The following FHL2 variants were observed in gnomAD, a reference collection of about 807,000 sequenced individuals.
FHL2 encodes the protein four and a half LIM domains protein 2.
A neutral mutation model predicts 32.7 loss-of-function variants in FHL2; 20 were observed. The ratio of observed to expected loss-of-function variants is 0.61; its 90% CI spans 0.43 to 0.89. The LOEUF (loss-of-function observed/expected upper bound fraction) is 0.89. Among genes scored for constraint, FHL2 ranks in the 40% least tolerant of loss-of-function variants. FHL2 has a pLI of 0.00. For synonymous variants in FHL2, 123 were observed against 128.1 expected, an observed-to-expected ratio of 0.96 and a Z score of 0.27; for missense variants, 311 against 358.6, an observed-to-expected ratio of 0.87 and a Z score of 1.07.
chr2:105,386,756 C>CTTTTTTTTT (rs11380471), intron 2 of FHL2, among the ~76,000 whole-genome samples: 5 of 48,924 alleles, frequency 1.0e-4, no homozygotes, highest in Admixed American at 2.7e-4. Context: ...ATGCATTCCA[C>CTTTTTTTTT]TTTTTTTTTT....
chr2:105,361,380 C>CA lies in FHL2; in HGVS notation c.742dup (p.Cys248LeufsTer3). On this transcript the variant is annotated frameshift_variant, in exon 7 of 7. Transcript: ENST00000530340. LOFTEE classifies it high-confidence loss of function. ...GAGGGAGCACTTCTTACAGTTAAAGCAGTCGTTATGCCACTGCCGTTCCTC... is the reference window on the plus strand; with the variant it reads ...GAGGGAGCACTTCTTACAGTTAAAGCAAGTCGTTATGCCACTGCCGTTCCTC... The CA allele has an allele frequency of 6.2e-7, 1 of 1,614,174 alleles. No individual in the cohort carries two copies. Among genetic ancestry groups the CA allele is most frequent in the Non-Finnish European group, 8.5e-7 (1 of 1,179,980 alleles).
chr2:105,432,970 C>T (rs568317220), intron 1 of FHL2, among the ~76,000 whole-genome samples: 1 of 152,114 alleles, frequency 6.6e-6, no homozygotes, highest in Non-Finnish European at 1.5e-5. Flanking sequence ...TTTCAACACT[C>T]CTAGAACTCA....
At chr2:105,420,404 A>G (rs1318114390) in intron 1 of FHL2, among the ~76,000 whole-genome samples, 1 of 152,184 alleles carries the variant, frequency 6.6e-6, no homozygotes, top group Non-Finnish European at 1.5e-5. Context: ...GGATACCCTA[A>G]TGACCTCCTC....
At chr2:105,393,163 T>C (rs1026835990) in intron 2 of FHL2, among the ~76,000 whole-genome samples, 5 of 152,086 alleles carry the variant, frequency 3.3e-5, no homozygotes, top group African/African-American at 1.2e-4. Context: ...TCCTTTTCAA[T>C]GCACCTTTTA....
At chr2:105,400,735 C>G (rs979516492), upstream of FHL2, among the ~76,000 whole-genome samples, 3 of 103,746 alleles carry the variant, frequency 2.9e-5, no homozygotes, top group Non-Finnish European at 4.0e-5. Context: ...ATCCATTTAG[C>G]TTTGCTTTTT....
chr2:105,398,851 C>A lies in FHL2; in HGVS notation c.-85G>T. 1.4e-6 allele frequency: 2 copies of A among 1,454,198 alleles called. No homozygotes were observed. The highest frequency in any genetic ancestry group is 1.5e-5 in the South Asian group (1 of 65,590). The allele number at this position is 1,454,198 out of a possible 1,614,324, so 90.1% of individuals were successfully genotyped here. A position where few individuals can be genotyped will look rare whatever the true frequency, so the allele number is the denominator to read the frequency against. On this transcript the variant is annotated 5_prime_UTR_variant, in exon 1 of 7. Coordinates refer to ENST00000530340, the MANE Select transcript of FHL2 (RefSeq NM_001318895.3). ...TCTGCTCTCCTCTCACCAGTCTCCC[C>A]AACTCCGGCTCTGCTCCCCTCTCCT...
chr2:105,402,314 T>C (rs549876945), upstream of FHL2, among the ~76,000 whole-genome samples: 23 of 152,054 alleles, frequency 1.5e-4, no homozygotes, highest in African/African-American at 5.5e-4. Context: ...TGGCACTGTC[T>C]TGGCTCACTG....
chr2:105,428,315 G>T (rs1056076446), intron 1 of FHL2, among the ~76,000 whole-genome samples: 4 of 152,270 alleles, frequency 2.6e-5, no homozygotes, highest in Admixed American at 2.6e-4. Context: ...GGGAGCCAGG[G>T]GCTTGCTGAG....
intron 3 of FHL2, chr2:105,376,886 A>G (rs573687048): frequency 1.4e-4 from 21 of 152,366 alleles, no homozygotes; most frequent in African/African-American, 4.1e-4. Flanking sequence ...TCTTGAGGAC[A>G]TGACGTTAAG....
At chr2:105,390,575 G>T (rs991719644) in intron 2 of FHL2, among the ~76,000 whole-genome samples, 1 of 152,068 alleles carries the variant, frequency 6.6e-6, no homozygotes, top group Non-Finnish European at 1.5e-5. Flanking sequence ...CAACCAACAG[G>T]GCAGAGCATA....
At chr2:105,391,794 G>A (rs1010250129) in intron 2 of FHL2, among the ~76,000 whole-genome samples, 3 of 152,212 alleles carry the variant, frequency 2.0e-5, no homozygotes, top group Non-Finnish European at 4.4e-5. Flanking sequence ...TTTACTCTCT[G>A]TGAACTCCAC....
At chr2:105,415,903 C>T (rs17030868) in intron 1 of FHL2, among the ~76,000 whole-genome samples, 5 of 152,106 alleles carry the variant, frequency 3.3e-5, no homozygotes, top group South Asian at 2.1e-4. Flanking sequence ...GCAAAAAATA[C>T]GTCTTTGACT....
At chr2:105,376,625 G>T (rs1326277604) in intron 3 of FHL2, 1 of 152,178 alleles carries the variant, frequency 6.6e-6, no homozygotes, top group Non-Finnish European at 1.5e-5. Flanking sequence ...GATATTAAAA[G>T]TAGAATTACC....
chr2:105,388,054 A>C (rs778469014), intron 2 of FHL2, among the ~76,000 whole-genome samples: 2 of 152,174 alleles, frequency 1.3e-5, no homozygotes, highest in Non-Finnish European at 2.9e-5. Context: ...GGGCTAAATG[A>C]GGGAACACAT....
upstream of FHL2, among the ~76,000 whole-genome samples, chr2:105,400,882 G>C (rs1360915357): frequency 6.6e-6 from 1 of 151,720 alleles, no homozygotes; most frequent in African/African-American, 2.4e-5. Context: ...GACCTAATGG[G>C]TAGCAGAACA....
chr2:105,404,134 A>G (rs890149466), upstream of FHL2, among the ~76,000 whole-genome samples: 1 of 152,180 alleles, frequency 6.6e-6, no homozygotes, highest in Admixed American at 6.5e-5. Context: ...ACAGGAAAAC[A>G]TGAGCTGGAG....
chr2:105,398,841 C>T lies in FHL2; in HGVS notation c.-76+1G>A. ...GACCCACAGCTCTGCTCTCCTCTCA[C>T]CAGTCTCCCCAACTCCGGCTCTGCT... On this transcript the variant is annotated splice_donor_variant, in intron 1 of 6. Transcript: ENST00000530340. LOFTEE classifies it low-confidence loss of function (5UTR_SPLICE). 2.1e-6 allele frequency: 3 copies of T among 1,443,088 alleles called. No homozygotes were observed. The highest frequency in any genetic ancestry group is 2.7e-6 in the Non-Finnish European group (3 of 1,099,646). 89.4% of individuals were successfully genotyped at this position (1,443,088 alleles called of 1,614,324 possible).
chr2:105,428,936 T>C (rs1024291074), intron 1 of FHL2, among the ~76,000 whole-genome samples: 4 of 152,228 alleles, frequency 2.6e-5, no homozygotes, highest in African/African-American at 9.6e-5. Context: ...CAAACGTCTG[T>C]GGTTGCTTAA....
intron 1 of FHL2, among the ~76,000 whole-genome samples, chr2:105,432,225 T>G (rs1365615227): frequency 5.9e-5 from 9 of 152,238 alleles, no homozygotes; most frequent in Admixed American, 3.9e-4. Flanking sequence ...CCAACACATT[T>G]GCACCTGCTC....
Sources: gnomAD v4.1 joint callset for allele counts (sites outside exome capture counted in the v4.1 genomes callset) on GRCh38, gnomAD v4.1.1 for gene constraint, MANE v1.5 for transcripts, NCBI Gene and HGNC (gene_info 2026-07-23, HGNC 2026-07-21) for gene names.